The following TENM3 variants were observed in gnomAD, a reference collection of about 807,000 sequenced individuals.
TENM3 encodes teneurin-3.
Under a neutral mutation model 255.1 loss-of-function variants are expected in TENM3, and 63 were observed. That is an observed-to-expected ratio of 0.25 (90% CI 0.20 to 0.30). The LOEUF (loss-of-function observed/expected upper bound fraction) is 0.30, where lower values mean the gene tolerates loss of function less well. TENM3 is among the 10% of genes least tolerant of loss of function. TENM3 has a pLI of 1.00. For synonymous variants in TENM3, 1,306 were observed against 1,322.3 expected (o/e 0.99, Z 0.27); for missense variants, 2,929 against 3,461.1 (o/e 0.85, Z 3.86).
At chr4:182,664,025 T>G (rs73869810) in intron 6 of TENM3, among the ~76,000 whole-genome samples, 1,911 of 152,330 alleles carry the variant, frequency 0.013, 52 homozygotes, top group African/African-American at 0.043. Flanking sequence ...AATGGAACTT[T>G]GGCTCATATT....
At chr4:182,045,070 G>C in the TENM3 span, among the ~76,000 whole-genome samples, 2 of 152,126 alleles carry the variant, frequency 1.3e-5, no homozygotes, top group Non-Finnish European at 2.9e-5. Context: ...TGGATGTTTC[G>C]GTGTTTTGCA....
At chr4:182,159,900 G>A (rs1750992799) in intron 1 of TENM3, among the ~76,000 whole-genome samples, 1 of 151,870 alleles carries the variant, frequency 6.6e-6, no homozygotes, top group South Asian at 2.1e-4. Flanking sequence ...GACATTTCGA[G>A]AGAGAGAAAA....
intron 3 of TENM3, 67 bp downstream of exon 3, chr4:182,346,996 G>GGA (rs760068721): frequency 1.2e-5 from 12 of 990,876 alleles, no homozygotes; most frequent in South Asian, 2.1e-5. Context: ...TTGACTCCGC[G>GGA]GGGGGGGATG....
the TENM3 span, among the ~76,000 whole-genome samples, chr4:181,891,636 T>C: frequency 2.0e-5 from 3 of 152,236 alleles, no homozygotes; most frequent in African/African-American, 7.2e-5. Context: ...ACTCTTGCCA[T>C]GTCAACTATC....
At chr4:182,263,162 G>T (rs111385025) in intron 1 of TENM3, among the ~76,000 whole-genome samples, 1 of 152,032 alleles carries the variant, frequency 6.6e-6, no homozygotes, top group Non-Finnish European at 1.5e-5. Context: ...CCTGAGCCGC[G>T]GGGTCAGGGG....
chr4:182,469,178 G>A (rs1732881526), intron 3 of TENM3, among the ~76,000 whole-genome samples: 2 of 152,262 alleles, frequency 1.3e-5, no homozygotes, highest in South Asian at 4.1e-4. Context: ...GCATCTGAAT[G>A]TCTGCCTGAA....
upstream of TENM3, among the ~76,000 whole-genome samples, chr4:182,239,033 A>ATGTGTGTGTG (rs10533748): frequency 4.9e-4 from 69 of 140,146 alleles, 1 homozygote; most frequent in East Asian, 1.7e-3. Flanking sequence ...AAAAATCTTT[A>ATGTGTGTGTG]TGTGTGTGTG....
chr4:182,590,862 AAC>A lies in TENM3; in HGVS notation c.512-10060_512-10059del, dbSNP rs1553993670. On this transcript the variant is annotated intron_variant, in intron 3 of 27. Transcript: ENST00000511685. ...GACTCCGTCTCAAAAGAAAAAAAAA[AAC>A]AAAAAACCAGAAAAAAGAAAAAGAT... 1.4e-4 allele frequency among the ~76,000 whole-genome samples: 21 copies of A among 151,876 alleles called. No individual in the cohort carries two copies. The East Asian group carries it at 2.9e-3, about 21-fold the overall frequency.
chr4:181,996,383 G>A, the TENM3 span, among the ~76,000 whole-genome samples: 1 of 152,216 alleles, frequency 6.6e-6, no homozygotes, highest in Non-Finnish European at 1.5e-5. Flanking sequence ...GGACAGCCAT[G>A]CTGAGACCCA....
In TENM3 at chr4:182,282,522, G is replaced by A. The variant is rs545632506; in HGVS notation, c.-76+39046G>A. On this transcript the variant is annotated intron_variant, in intron 1 of 27. Transcript: ENST00000511685. Reference sequence around the variant, plus strand: ...GTCATCGGTAAGTGAAAGTAAGTGCGGAGTACCAATGTGCCTTTGCTTGTC... The same window carrying A: ...GTCATCGGTAAGTGAAAGTAAGTGCAGAGTACCAATGTGCCTTTGCTTGTC... Among the ~76,000 whole-genome samples, 67 of 152,210 alleles carry A rather than the reference G, an allele frequency of 4.4e-4. 1 individual carries two copies. The South Asian group carries it at 0.013, about 31-fold the overall frequency.
chr4:181,609,557 G>A, the TENM3 span, among the ~76,000 whole-genome samples: 9 of 152,292 alleles, frequency 5.9e-5, 1 homozygote, highest in East Asian at 9.7e-4. Flanking sequence ...ATGTGAACAC[G>A]CTGCATAAGT....
intron 15 of TENM3, 95 bp downstream of exon 15, chr4:182,730,414 T>C: frequency 1.4e-6 from 2 of 1,440,996 alleles, no homozygotes; most frequent in Middle Eastern, 1.9e-4. Flanking sequence ...CTTTTAAATA[T>C]GGAAATGCAG....
At chr4:181,604,590 C>T in the TENM3 span, among the ~76,000 whole-genome samples, 6 of 152,290 alleles carry the variant, frequency 3.9e-5, no homozygotes, top group East Asian at 9.7e-4. Flanking sequence ...AAAGTGTACC[C>T]GTTCTGGAGT....
At chr4:182,492,471 A>C (rs1735392681) in intron 3 of TENM3, among the ~76,000 whole-genome samples, 1 of 152,200 alleles carries the variant, frequency 6.6e-6, no homozygotes, top group South Asian at 2.1e-4. Context: ...AGGAGTTACT[A>C]TATCCTTTGG....
intron 12 of TENM3, among the ~76,000 whole-genome samples, chr4:182,706,360 T>C (rs948877223): frequency 6.6e-6 from 1 of 152,148 alleles, no homozygotes; most frequent in African/African-American, 2.4e-5. Context: ...GTGGTGAAAA[T>C]TAAACCGGTT....
At chr4:181,589,674 A>T in the TENM3 span, among the ~76,000 whole-genome samples, 1 of 152,232 alleles carries the variant, frequency 6.6e-6, no homozygotes, top group Non-Finnish European at 1.5e-5. Context: ...GGTTTCACAC[A>T]GGAGCCTTCA....
chr4:181,450,996 A>G, the TENM3 span, among the ~76,000 whole-genome samples: 1 of 152,072 alleles, frequency 6.6e-6, no homozygotes, highest in African/African-American at 2.4e-5. Context: ...GTTGGGGGTC[A>G]TGGAGCTTCT....
chr4:181,903,884 T>G, the TENM3 span, among the ~76,000 whole-genome samples: 1 of 152,188 alleles, frequency 6.6e-6, no homozygotes, highest in South Asian at 2.1e-4. Flanking sequence ...TGCCTCTTCT[T>G]TTTCATTCTG....
chr4:181,959,243 C>T, the TENM3 span, among the ~76,000 whole-genome samples: 1 of 152,140 alleles, frequency 6.6e-6, no homozygotes, highest in Non-Finnish European at 1.5e-5. Context: ...ATTCCAGGCC[C>T]CCAGTGGTTT....
Sources: allele counts gnomAD v4.1 joint callset (sites outside exome capture counted in the v4.1 genomes callset), GRCh38; gene constraint gnomAD v4.1.1; transcripts MANE v1.5; gene names NCBI Gene and HGNC (gene_info 2026-07-23, HGNC 2026-07-21).